Variants in CRISPLD1 observed in about 807,000 individuals in gnomAD.
CRISPLD1 encodes the protein cysteine-rich secretory protein LCCL domain-containing 1.
Under a neutral mutation model 77.5 loss-of-function variants are expected in CRISPLD1, and 60 were observed. The ratio of observed to expected loss-of-function variants is 0.77; its 90% CI spans 0.63 to 0.96. CRISPLD1 has a LOEUF of 0.96. Among genes scored for constraint, CRISPLD1 ranks in the 40% least tolerant of loss-of-function variants. CRISPLD1 has a pLI of 0.00. For missense variants in CRISPLD1, 623 were observed against 615.8 expected, an observed-to-expected ratio of 1.01 and a Z score of -0.12; for synonymous variants, 195 against 200.1, an observed-to-expected ratio of 0.97 and a Z score of 0.22.
At chr8:75,019,586 A>G (rs1587024231) in intron 10 of CRISPLD1, among the ~76,000 whole-genome samples, 1 of 151,924 alleles carries the variant, frequency 6.6e-6, no homozygotes, top group Non-Finnish European at 1.5e-5. Flanking sequence ...ATAGGAACCA[A>G]ATATATTTTT....
chr8:74,985,193 G>C (rs963962425), intron 1 of CRISPLD1, among the ~76,000 whole-genome samples: 7 of 152,096 alleles, frequency 4.6e-5, no homozygotes, highest in Admixed American at 6.5e-5. Flanking sequence ...CTTCACACTT[G>C]AGAGGAAAAG....
Position 74,986,239 on chromosome 8 carries a change from G to A in CRISPLD1, c.252G>A (p.Glu84=). The change falls in exon 2 of 15, where the codon GAG becomes GAA. Residue 84 remains glutamate (E), a synonymous_variant. Coordinates refer to ENST00000262207, the MANE Select transcript of CRISPLD1 (RefSeq NM_031461.6). ...SQVYPTASNM[E]YMTWDVELER... ...TGTATCCAACAGCCTCTAATATGGA[G>A]TATATGGTAAGGACATTTTTCAAGT... 6.2e-7 allele frequency: 1 copy of A among 1,613,824 alleles called. No individual in the cohort carries two copies. The highest frequency in any genetic ancestry group is 8.5e-7 in the Non-Finnish European group (1 of 1,179,754).
chr8:74,992,845 C>T (rs1262043419), intron 2 of CRISPLD1, among the ~76,000 whole-genome samples: 2 of 147,800 alleles, frequency 1.4e-5, no homozygotes, highest in Non-Finnish European at 3.0e-5. Context: ...CAAACAATGT[C>T]TTGGTTTCAA....
chr8:75,007,663 CT>C (rs34289550), intron 2 of CRISPLD1, among the ~76,000 whole-genome samples: 2,727 of 89,256 alleles, frequency 0.031, 39 homozygotes, highest in South Asian at 0.043. Flanking sequence ...GAACCATCGA[CT>C]TTTTTTTTTT....
At position 74,985,508 on chromosome 8, in the gene CRISPLD1, C is replaced by T. The variant is rs138689273; in HGVS notation, c.-62-418C>T. Among the ~76,000 whole-genome samples the T allele has an allele frequency of 5.1e-4, 78 of 152,320 alleles. 1 individual carries two copies. The highest frequency in any genetic ancestry group is 1.7e-3 in the African/African-American group (70 of 41,572). ...AAAATAATACCAAATAAAATATTCA[C>T]ACCTTAAAACTCTTCATAGAGAAAC... On this transcript the variant is annotated intron_variant, in intron 1 of 14. Coordinates refer to ENST00000262207, the MANE Select transcript of CRISPLD1 (RefSeq NM_031461.6).
intron 2 of CRISPLD1, among the ~76,000 whole-genome samples, chr8:75,000,892 A>G (rs941838373): frequency 1.3e-5 from 2 of 152,190 alleles, no homozygotes; most frequent in African/African-American, 4.8e-5. Context: ...ATTTTCAACA[A>G]CAATTTAAAG....
intron 2 of CRISPLD1, among the ~76,000 whole-genome samples, chr8:75,002,659 G>A (rs1812765452): frequency 1.3e-5 from 2 of 151,856 alleles, no homozygotes; most frequent in African/African-American, 4.8e-5. Context: ...TCTCCATCAC[G>A]GTGAGGCCAA....
At chr8:74,986,290 C>G (rs1812494836) in intron 2 of CRISPLD1, 45 bp downstream of exon 2, 1 of 1,561,762 alleles carries the variant, frequency 6.4e-7, no homozygotes, top group East Asian at 2.3e-5. Context: ...AATGTTTATT[C>G]ATGCTTTCAG....
At chr8:75,022,589 G>GAA (rs71565425) in intron 12 of CRISPLD1, among the ~76,000 whole-genome samples, 8 of 82,332 alleles carry the variant, frequency 9.7e-5, no homozygotes, top group African/African-American at 1.5e-4. Flanking sequence ...CTCTGTCTCA[G>GAA]AAAAAAAAAA....
chr8:75,032,283 T>G lies in CRISPLD1; in HGVS notation c.*41T>G. The stretch of plus-strand genomic sequence containing the variant: ...AGAGGACCATAAAGACTATTCCAAA[T>G]GCAATATTTCTGAATTTTGTATAAA... On this transcript the variant is annotated 3_prime_UTR_variant, in exon 15 of 15. Coordinates refer to ENST00000262207, the MANE Select transcript of CRISPLD1 (RefSeq NM_031461.6). 1 of 1,487,424 alleles carries G rather than the reference T, an allele frequency of 6.7e-7. No homozygotes were observed. The highest frequency in any genetic ancestry group is 9.3e-7 in the Non-Finnish European group (1 of 1,075,970). The allele number at this position is 1,487,424 out of a possible 1,614,324, so 92.1% of individuals were successfully genotyped here.
At chr8:74,992,975 C>T (rs1475268840) in intron 2 of CRISPLD1, among the ~76,000 whole-genome samples, 1 of 143,980 alleles carries the variant, frequency 6.9e-6, no homozygotes, top group Non-Finnish European at 1.5e-5. Context: ...GGACATGGGA[C>T]AACCTAGTTT....
intron 6 of CRISPLD1, 102 bp from the exon 7 acceptor site, chr8:75,016,463 A>G: frequency 8.6e-7 from 1 of 1,159,986 alleles, no homozygotes; most frequent in Non-Finnish European, 1.2e-6. Flanking sequence ...TGATTTTTCT[A>G]GTTCTAAATG....
chr8:75,028,282 G>A (rs1813269702), intron 13 of CRISPLD1, among the ~76,000 whole-genome samples: 1 of 152,130 alleles, frequency 6.6e-6, no homozygotes, highest in Admixed American at 6.6e-5. Flanking sequence ...TTCAGACTCT[G>A]ATCTAGTAAA....
chr8:75,013,897 A>C (rs1475049125), intron 4 of CRISPLD1, 90 bp from the exon 5 acceptor site: 18 of 832,572 alleles, frequency 2.2e-5, no homozygotes, highest in African/African-American at 6.8e-5. Context: ...TTGGCTTCTC[A>C]CATTCAAATT....
chr8:75,002,489 T>TAA (rs57220970), intron 2 of CRISPLD1, among the ~76,000 whole-genome samples: 40 of 143,738 alleles, frequency 2.8e-4, no homozygotes, highest in South Asian at 9.0e-4. Context: ...GGTTCAACAG[T>TAA]AAAAAAAAAA....
chr8:75,017,566 T>C, intron 10 of CRISPLD1, 116 bp downstream of exon 10: 1 of 911,702 alleles, frequency 1.1e-6, no homozygotes, highest in South Asian at 2.2e-5. Flanking sequence ...TTGGTTATTT[T>C]CAAGGTTCAT....
At chr8:75,018,490 C>T (rs971837526) in intron 10 of CRISPLD1, among the ~76,000 whole-genome samples, 1 of 151,600 alleles carries the variant, frequency 6.6e-6, no homozygotes, top group African/African-American at 2.4e-5. Context: ...GAGGTTTCAC[C>T]ATGTTGGCCA....
At position 75,020,100 on chromosome 8, in the gene CRISPLD1, G is replaced by A. The variant is rs774707361; in HGVS notation, c.1244+21G>A. ...CCAAGGTAAACCAGTGTACACATAG[G>A]GGGCTTTGGCCCTGTGATAACTGTT... On this transcript the variant is annotated intron_variant, in intron 12 of 14. Coordinates refer to ENST00000262207, the MANE Select transcript of CRISPLD1 (RefSeq NM_031461.6). 18 of 1,599,542 alleles carry A rather than the reference G, an allele frequency of 1.1e-5. No homozygotes were observed. The African/African-American group carries it at 1.9e-4, about 17-fold the overall frequency.
At chr8:75,030,201 C>A (rs142435261) in intron 14 of CRISPLD1, among the ~76,000 whole-genome samples, 51 of 151,988 alleles carry the variant, frequency 3.4e-4, no homozygotes, top group African/African-American at 1.1e-3. Flanking sequence ...TAGATATTTC[C>A]TGGATTCTTC....
Sources: allele counts gnomAD v4.1 joint callset (sites outside exome capture counted in the v4.1 genomes callset), GRCh38; gene constraint gnomAD v4.1.1; transcripts MANE v1.5; gene names NCBI Gene and HGNC (gene_info 2026-07-23, HGNC 2026-07-21).